Variants in MAP3K13 observed in about 807,000 individuals in gnomAD.
MAP3K13 encodes the protein leucine zipper-bearing kinase.
Under a neutral mutation model 104.0 loss-of-function variants are expected in MAP3K13, and 52 were observed. That is an observed-to-expected ratio of 0.50 (90% confidence interval 0.40 to 0.63). The LOEUF is 0.63. Among genes scored for constraint, MAP3K13 ranks in the 20% least tolerant of loss-of-function variants. The pLI is 0.00. For synonymous variants in MAP3K13, 394 were observed against 442.2 expected, an observed-to-expected ratio of 0.89 and a Z score of 1.37; for missense variants, 914 against 1,218.5, an observed-to-expected ratio of 0.75 and a Z score of 3.72.
chr3:185,291,849 G>T (rs1281871518), intron 2 of MAP3K13: 1 of 1,232,772 alleles, frequency 8.1e-7, no homozygotes. Flanking sequence ...GGCCTCTAGG[G>T]TCCTTCATAT....
intron 2 of MAP3K13, among the ~76,000 whole-genome samples, chr3:185,300,189 CTTTTTTT>C (rs1273008667): frequency 8.1e-6 from 1 of 123,428 alleles, no homozygotes; most frequent in Non-Finnish European, 1.8e-5. Context: ...TCCTTCTTTT[CTTTTTTT>C]TTTTTTTTTT....
chr3:185,323,148 A>G (rs1174893360), intron 2 of MAP3K13, among the ~76,000 whole-genome samples: 3 of 152,208 alleles, frequency 2.0e-5, no homozygotes, highest in African/African-American at 7.2e-5. Flanking sequence ...TAGAAACTTT[A>G]CCCACCTTCT....
intron 1 of MAP3K13, among the ~76,000 whole-genome samples, chr3:185,368,401 G>A (rs1343902170): frequency 6.6e-6 from 1 of 152,168 alleles, no homozygotes; most frequent in African/African-American, 2.4e-5. Flanking sequence ...AGTCCAGCAT[G>A]AATTTAAAAT....
At chr3:185,454,576 T>G (rs1358298580) in intron 7 of MAP3K13, among the ~76,000 whole-genome samples, 16 of 114,166 alleles carry the variant, frequency 1.4e-4, no homozygotes, top group African/African-American at 4.6e-4. Flanking sequence ...ATATATATGA[T>G]ATATATATGA....
intron 2 of MAP3K13, among the ~76,000 whole-genome samples, chr3:185,302,595 A>G (rs1721146930): frequency 6.6e-6 from 1 of 151,968 alleles, no homozygotes; most frequent in Non-Finnish European, 1.5e-5. Flanking sequence ...TTTTGATGCT[A>G]TTATAAATGG....
At position 185,428,755 on chromosome 3, in the gene MAP3K13, G is replaced by A. The variant is rs116513117; in HGVS notation, c.174G>A (p.Glu58=). Residue 58 remains glutamate, a synonymous_variant, in exon 2 of 14, where the codon GAG becomes GAA. Transcript: ENST00000265026. ...EKGMVRTELI[E]SVHSPVTTTV... Reference sequence around the variant, plus strand: ...GGATGGTACGAACAGAGCTAATCGAGAGCGTGCACAGCCCCGTCACCACAA... The same window carrying A: ...GGATGGTACGAACAGAGCTAATCGAAAGCGTGCACAGCCCCGTCACCACAA... 272 of 1,614,052 alleles carry A rather than the reference G, an allele frequency of 1.7e-4. No homozygotes were observed. Among genetic ancestry groups the A allele is most frequent in the Non-Finnish European group, 2.3e-4 (266 of 1,180,038 alleles).
chr3:185,389,324 G>A (rs113392397), intron 1 of MAP3K13, among the ~76,000 whole-genome samples: 176 of 152,210 alleles, frequency 1.2e-3, no homozygotes, highest in African/African-American at 3.9e-3. Context: ...TTAGCTGTAT[G>A]CCTTGGGTAA....
At chr3:185,338,388 C>A (rs770555985) in intron 2 of MAP3K13, among the ~76,000 whole-genome samples, 109 of 142,378 alleles carry the variant, frequency 7.7e-4, no homozygotes, top group Non-Finnish European at 1.4e-3. Flanking sequence ...TTTTAAGAAA[C>A]TGTAAAAAAG....
Position 185,454,331 on chromosome 3 carries a change from A to G in MAP3K13, c.1278+2936A>G, listed in dbSNP as rs1386821636. Among the ~76,000 whole-genome samples, 9 of 89,298 alleles carry G rather than the reference A, an allele frequency of 1.0e-4. 3 individuals carry two copies. The East Asian group carries it at 2.6e-3, about 25-fold the overall frequency. 58.6% of individuals were successfully genotyped at this position (89,298 alleles called of 152,430 possible). A position where few individuals can be genotyped will look rare whatever the true frequency, so the allele number is the denominator to read the frequency against. The stretch of plus-strand genomic sequence containing the variant: ...TATATATGAGATATATATGAGATAT[A>G]TATGATATATATGAGATATATGAGA... On this transcript the variant is annotated intron_variant, in intron 7 of 13. Coordinates refer to ENST00000265026, the MANE Select transcript of MAP3K13 (RefSeq NM_004721.5).
intron 9 of MAP3K13, among the ~76,000 whole-genome samples, chr3:185,466,155 C>T (rs912748876): frequency 2.6e-5 from 4 of 152,164 alleles, no homozygotes; most frequent in African/African-American, 9.7e-5. Flanking sequence ...GAGCCGATTG[C>T]CCCCTGGGGA....
At chr3:185,293,720 C>T (rs887884524) in intron 2 of MAP3K13, among the ~76,000 whole-genome samples, 8 of 152,172 alleles carry the variant, frequency 5.3e-5, no homozygotes, top group Non-Finnish European at 1.0e-4. Flanking sequence ...CCACTGTGCC[C>T]GCCCATCAGT....
rs1713957627 is a variant in MAP3K13, at chr3:185,418,815, G to A, written c.-85-9682G>A. On this transcript the variant is annotated intron_variant, in intron 1 of 13. Coordinates refer to ENST00000265026, the MANE Select transcript of MAP3K13 (RefSeq NM_004721.5). This position sits in a 1 kb window ranked among gnomAD's most constrained non-coding sequence, Gnocchi z 4.5. ...GAGACAGCCACGCTCCTCTCAGCCC[G>A]GCTGCTGCCACAGGAAAAGCATGTT... The A allele has an allele frequency of 4.5e-6, 7 of 1,566,112 alleles. No individual in the cohort carries two copies. Among genetic ancestry groups the A allele is most frequent in the Middle Eastern group, 1.8e-4 (1 of 5,550 alleles).
chr3:185,308,009 C>CTTTTTTTTTTTTTTTTT (rs33949195), intron 2 of MAP3K13, among the ~76,000 whole-genome samples: 5 of 31,574 alleles, frequency 1.6e-4, no homozygotes, highest in Non-Finnish European at 2.9e-4. Context: ...TCTTTGGGGT[C>CTTTTTTTTTTTTTTTTT]TTTTTTTTTT....
chr3:185,452,000 AC>A (rs1267816938), intron 7 of MAP3K13, among the ~76,000 whole-genome samples: 2 of 152,180 alleles, frequency 1.3e-5, no homozygotes, highest in East Asian at 3.8e-4. Context: ...TAATGTACAT[AC>A]ACCTGAATTA....
chr3:185,367,602 T>A (rs961577809), intron 1 of MAP3K13, among the ~76,000 whole-genome samples: 2 of 143,202 alleles, frequency 1.4e-5, no homozygotes, highest in African/African-American at 5.3e-5. Flanking sequence ...TGTCTGTAAA[T>A]TTTTTTTTTT....
intron 2 of MAP3K13, among the ~76,000 whole-genome samples, chr3:185,339,251 G>A (rs980175493): frequency 2.6e-5 from 4 of 152,070 alleles, no homozygotes; most frequent in Non-Finnish European, 5.9e-5. Context: ...CCAGGGAGGC[G>A]GAGGTTGCAG....
At chr3:185,455,798 A>ATATATATAT (rs1393041509) in intron 7 of MAP3K13, among the ~76,000 whole-genome samples, 2 of 106,398 alleles carry the variant, frequency 1.9e-5, no homozygotes, top group African/African-American at 7.5e-5. Context: ...TATATATATG[A>ATATATATAT]GATATATGAG....
At chr3:185,460,755 C>A (rs1309781461) in intron 7 of MAP3K13, among the ~76,000 whole-genome samples, 1 of 152,192 alleles carries the variant, frequency 6.6e-6, no homozygotes, top group East Asian at 1.9e-4. Flanking sequence ...TTTCTGTTCA[C>A]AGGAGGGAAC....
At chr3:185,367,260 A>G (rs1442408395) in intron 1 of MAP3K13, among the ~76,000 whole-genome samples, 2 of 152,164 alleles carry the variant, frequency 1.3e-5, no homozygotes, top group African/African-American at 4.8e-5. Flanking sequence ...TTCCACCTCC[A>G]GAGATTTATA....
Sources: gnomAD v4.1 joint callset for allele counts (sites outside exome capture counted in the v4.1 genomes callset) on GRCh38, gnomAD v4.1.1 for gene constraint, Gnocchi (gnomAD v3.1) non-coding constraint, MANE v1.5 for transcripts, NCBI Gene and HGNC (gene_info 2026-07-23, HGNC 2026-07-21) for gene names.